ERLIN1: variants seen among roughly 807,000 people sequenced by gnomAD.
ERLIN1 encodes the protein erlin-1.
In ERLIN1, 24 loss-of-function variants were observed where a neutral mutation model predicts 46.9. The ratio of observed to expected loss-of-function variants is 0.51; its 90% CI spans 0.37 to 0.72. The LOEUF (loss-of-function observed/expected upper bound fraction) is 0.72. Ranked by LOEUF, ERLIN1 falls within the 30% of genes least tolerant of loss-of-function variation. The probability of loss-of-function intolerance (pLI) is 0.00; values close to 1 mark genes in which losing one functional copy is unlikely to be tolerated. For synonymous variants in ERLIN1, 158 were observed against 143.2 expected, an observed-to-expected ratio of 1.10 and a Z score of -0.74; for missense variants, 293 against 417.9, an observed-to-expected ratio of 0.70 and a Z score of 2.61.
In ERLIN1 at chr10:100,151,976, T is replaced by C; in HGVS notation, c.*155A>G. 1.4e-6 allele frequency: 1 copy of C among 696,032 alleles called. No homozygotes were observed. The highest frequency in any genetic ancestry group is 1.5e-5 in the South Asian group (1 of 65,840). The allele number at this position is 696,032 out of a possible 1,614,324, so 43.1% of individuals were successfully genotyped here. On this transcript the variant is annotated 3_prime_UTR_variant, in exon 11 of 11. Transcript: ENST00000421367. The stretch of plus-strand genomic sequence containing the variant: ...CATTTGTGTGTCAGACAGCTGGCTC[T>C]ATCCTCCAATCAGTGGAGCACCCAG...
At chr10:100,179,309 C>A (rs2134172593) in intron 2 of ERLIN1, 62 bp from the exon 3 acceptor site, 1 of 1,207,648 alleles carries the variant, frequency 8.3e-7, no homozygotes, top group Non-Finnish European at 1.2e-6. Flanking sequence ...ACTACTGGTA[C>A]CAGAGGCAAA....
In ERLIN1 at chr10:100,185,875, AGGGTCGCTCCC is replaced by A; in HGVS notation, c.-260_-250del. ...GAGCTTCCTGAAACTCCCTCTCCCA[AGGGTCGCTCCC>A]GGGTGGAAGGCACTAACTGAGAAGA... On this transcript the variant is annotated 5_prime_UTR_variant, in exon 1 of 11. Coordinates refer to ENST00000421367, the MANE Select transcript of ERLIN1 (RefSeq NM_006459.4). 2 of 541,518 alleles carry A rather than the reference AGGGTCGCTCCC, an allele frequency of 3.7e-6. No individual in the cohort carries two copies. Among genetic ancestry groups the A allele is most frequent in the South Asian group, 4.9e-5 (2 of 40,542 alleles). The allele number at this position is 541,518 out of a possible 1,614,324, so 33.5% of individuals were successfully genotyped here.
At chr10:100,179,298 AACT>A in intron 2 of ERLIN1, 51 bp from the exon 3 acceptor site, 1 of 1,335,936 alleles carries the variant, frequency 7.5e-7, no homozygotes, top group Admixed American at 1.9e-5. Context: ...ATTGTCAAAA[AACT>A]ACTGGTACCA....
intron 6 of ERLIN1, among the ~76,000 whole-genome samples, chr10:100,172,637 T>C (rs1298350170): frequency 6.6e-6 from 1 of 152,204 alleles, no homozygotes. Context: ...TGCCCACCCA[T>C]CCATATGGTA....
At chr10:100,176,520 A>T (rs1844314061) in intron 4 of ERLIN1, among the ~76,000 whole-genome samples, 1 of 152,214 alleles carries the variant, frequency 6.6e-6, no homozygotes, top group Non-Finnish European at 1.5e-5. Context: ...CAAACTGAGG[A>T]ACAGTAGAAA....
intron 4 of ERLIN1, among the ~76,000 whole-genome samples, chr10:100,177,633 T>C (rs1844387862): frequency 6.6e-6 from 1 of 152,230 alleles, no homozygotes; most frequent in Non-Finnish European, 1.5e-5. Flanking sequence ...CTTCAGGGCT[T>C]CTAATTAAGT....
chr10:100,174,791 A>T (rs2134160066), intron 5 of ERLIN1, among the ~76,000 whole-genome samples: 2 of 150,060 alleles, frequency 1.3e-5, no homozygotes, highest in South Asian at 4.2e-4. Context: ...TTGGATTTAA[A>T]GAGAGAGAGA....
chr10:100,185,385 C>G, intron 1 of ERLIN1, 129 bp downstream of exon 1: 1 of 684,584 alleles, frequency 1.5e-6, no homozygotes, highest in East Asian at 2.7e-5. Context: ...CCCGCTTCGA[C>G]CCCCGTGCTC....
At chr10:100,183,368 G>C (rs1421155598) in intron 2 of ERLIN1, among the ~76,000 whole-genome samples, 2 of 152,202 alleles carry the variant, frequency 1.3e-5, no homozygotes, top group African/African-American at 4.8e-5. Context: ...GATCCTCCAT[G>C]TTAACAGTAG....
At chr10:100,158,550 G>GA (rs934529752) in intron 8 of ERLIN1, among the ~76,000 whole-genome samples, 14 of 146,370 alleles carry the variant, frequency 9.6e-5, no homozygotes, top group South Asian at 2.2e-4. Flanking sequence ...AAAATTACTA[G>GA]AAAAAAAAAA....
intron 1 of ERLIN1, among the ~76,000 whole-genome samples, chr10:100,184,375 G>A (rs1844839831): frequency 6.6e-6 from 1 of 152,092 alleles, no homozygotes; most frequent in Non-Finnish European, 1.5e-5. Flanking sequence ...AAAAGATGAA[G>A]GGTGACAAGA....
intron 8 of ERLIN1, 112 bp downstream of exon 8, chr10:100,163,892 C>T: frequency 1.5e-6 from 1 of 672,936 alleles, no homozygotes; most frequent in Non-Finnish European, 2.6e-6. Flanking sequence ...CCAGAATTCC[C>T]CACTACCTAT....
intron 2 of ERLIN1, among the ~76,000 whole-genome samples, chr10:100,180,820 C>G (rs1291011421): frequency 2.0e-5 from 3 of 152,118 alleles, no homozygotes; most frequent in Non-Finnish European, 4.4e-5. Context: ...TGATGTAGTT[C>G]TCATTCTCCA....
chr10:100,164,237 T>TA, intron 7 of ERLIN1, 142 bp from the exon 8 acceptor site: 2 of 559,914 alleles, frequency 3.6e-6, no homozygotes, highest in Middle Eastern at 2.7e-4. Flanking sequence ...AGAGAGGTGT[T>TA]ACTTTATTTT....
In ERLIN1 at chr10:100,175,980, G is replaced by C. The variant is rs1380459434; in HGVS notation, c.395C>G (p.Ala132Gly). ...AATGTAAACTTCCTGAAGTGTGTGG[G>C]CACTGCAGAACTGGTTCAGCTCATG... ...IHHELNQFCSAHTLQEVYIEL... is the reference protein window; with the variant it reads ...IHHELNQFCSGHTLQEVYIEL... The change falls in exon 5 of 11, where the codon GCC becomes GGC. Residue 132 changes from alanine (A) to glycine (G), a missense_variant. By Grantham distance (60) the Ala-to-Gly change is moderately conservative. Around this residue, in one of 3 missense-constraint regions of ERLIN1, gnomAD observed 148 missense variants for 266.5 expected, o/e 0.56. Transcript: ENST00000421367. The C allele has an allele frequency of 3.1e-6, 5 of 1,613,054 alleles. No homozygotes were observed. The highest frequency in any genetic ancestry group is 4.2e-6 in the Non-Finnish European group (5 of 1,179,326).
At chr10:100,180,250 G>C (rs150359357) in intron 2 of ERLIN1, among the ~76,000 whole-genome samples, 1 of 152,180 alleles carries the variant, frequency 6.6e-6, no homozygotes, top group Non-Finnish European at 1.5e-5. Flanking sequence ...AGCACCTAAT[G>C]AGTACATTCT....
At chr10:100,169,455 T>C (rs917678142) in intron 6 of ERLIN1, among the ~76,000 whole-genome samples, 1 of 151,976 alleles carries the variant, frequency 6.6e-6, no homozygotes, top group Non-Finnish European at 1.5e-5. Context: ...CATTCTAATT[T>C]GCCAGAGTAG....
Position 100,164,067 on chromosome 10 carries a change from CT to C in ERLIN1, c.591del (p.Ile197MetfsTer22). 5 of 1,613,350 alleles carry C rather than the reference CT, an allele frequency of 3.1e-6. No individual in the cohort carries two copies. Among genetic ancestry groups the C allele is most frequent in the Non-Finnish European group, 4.2e-6 (5 of 1,179,574 alleles). ...TCCACAACCTTTTGTTTCTGTGCAG[CT>C]ATAAGGAGTTTTGTCTTCTCAGCCT... Reference protein sequence around the residue: ...LMEAEKTKLLIAAQKQKVVEK... With the variant: ...LMEAEKTKLLXAAQKQKVVEK... On this transcript the variant is annotated frameshift_variant, in exon 8 of 11. Transcript: ENST00000421367. LOFTEE classifies it high-confidence loss of function.
chr10:100,158,871 G>A (rs933447489), intron 8 of ERLIN1, among the ~76,000 whole-genome samples: 3 of 152,020 alleles, frequency 2.0e-5, no homozygotes, highest in Non-Finnish European at 2.9e-5. Flanking sequence ...ATACCAATCA[G>A]AAAAGGGAAA....
Sources: gnomAD v4.1 joint callset for allele counts (sites outside exome capture counted in the v4.1 genomes callset) on GRCh38, gnomAD v4.1.1 for gene constraint, gnomAD v4.1.1 regional missense constraint, MANE v1.5 for transcripts, NCBI Gene and HGNC (gene_info 2026-07-23, HGNC 2026-07-21) for gene names.